WWOX: variants seen among roughly 807,000 people sequenced by gnomAD.
The protein encoded by WWOX is WW domain-containing oxidoreductase.
WWOX carries 69 observed loss-of-function variants against 46.2 expected under a neutral mutation model. The ratio of observed to expected loss-of-function variants is 1.49; its 90% confidence interval spans 1.23 to 1.82. The LOEUF is 1.82. WWOX is among the 40% of genes most tolerant of loss of function. The pLI, the probability that WWOX is intolerant of heterozygous loss-of-function variation, is 0.00. For missense variants in WWOX, 919 were observed against 542.6 expected (o/e 1.69, Z -6.89); for synonymous variants, 359 against 202.6 (o/e 1.77, Z -6.56).
At chr16:78,942,245 C>T (rs1446635597) in intron 8 of WWOX, among the ~76,000 whole-genome samples, 1 of 152,108 alleles carries the variant, frequency 6.6e-6, no homozygotes, top group South Asian at 2.1e-4. Context: ...TAGTAGGCTT[C>T]TTAAATAATT....
At chr16:78,826,214 G>C (rs2051652597) in intron 8 of WWOX, among the ~76,000 whole-genome samples, 1 of 152,150 alleles carries the variant, frequency 6.6e-6, no homozygotes, top group Non-Finnish European at 1.5e-5. Context: ...GATTAGCCTG[G>C]CGTGCCCTGT....
chr16:78,252,383 A>G (rs4888770), intron 5 of WWOX, among the ~76,000 whole-genome samples: 48,034 of 152,154 alleles, frequency 0.32, 7,964 homozygotes, highest in East Asian at 0.44. Context: ...TTGACAAGTT[A>G]GCTTGGTAAA....
chr16:78,672,946 C>G, intron 8 of WWOX, among the ~76,000 whole-genome samples: 1 of 152,336 alleles, frequency 6.6e-6, no homozygotes, highest in African/African-American at 2.4e-5. Context: ...TGACCTTGTG[C>G]AATCCATAAG....
intron 5 of WWOX, among the ~76,000 whole-genome samples, chr16:78,354,618 G>C (rs989371494): frequency 6.6e-6 from 1 of 151,986 alleles, no homozygotes; most frequent in Non-Finnish European, 1.5e-5. Context: ...TTATTCTTAA[G>C]CTTTCTGAAT....
At chr16:79,188,810 T>TC (rs1242128976) in intron 8 of WWOX, among the ~76,000 whole-genome samples, 5 of 152,232 alleles carry the variant, frequency 3.3e-5, no homozygotes, top group African/African-American at 1.2e-4. Flanking sequence ...TGTTTGCTTT[T>TC]CCTGGGGCTG....
At chr16:78,331,126 C>A (rs1006821283) in intron 5 of WWOX, among the ~76,000 whole-genome samples, 8 of 151,962 alleles carry the variant, frequency 5.3e-5, no homozygotes, top group African/African-American at 1.9e-4. Context: ...ACCTACGGTC[C>A]CTGAATATGT....
At chr16:78,644,653 G>A (rs2548874) in intron 8 of WWOX, among the ~76,000 whole-genome samples, 69,003 of 151,912 alleles carry the variant, frequency 0.45, 18,313 homozygotes, top group Middle Eastern at 0.61. Flanking sequence ...AGTAGAGATG[G>A]GGTTGCACCA....
chr16:78,904,764 T>C (rs1045745010), intron 8 of WWOX, among the ~76,000 whole-genome samples: 2 of 152,360 alleles, frequency 1.3e-5, no homozygotes, highest in African/African-American at 4.8e-5. Flanking sequence ...CTTAGTACTT[T>C]CTAAAATTCT....
At chr16:78,655,524 A>G (rs1019680220) in intron 8 of WWOX, among the ~76,000 whole-genome samples, 5 of 152,224 alleles carry the variant, frequency 3.3e-5, no homozygotes, top group African/African-American at 1.2e-4. Flanking sequence ...CAGGAAATAA[A>G]CATTAAAATA....
At chr16:78,977,015 C>G (rs1597229125) in intron 8 of WWOX, among the ~76,000 whole-genome samples, 2 of 152,162 alleles carry the variant, frequency 1.3e-5, no homozygotes, top group African/African-American at 4.8e-5. Context: ...CATCAGAGAG[C>G]TTTCCCCTGG....
At chr16:78,140,759 G>A (rs1229366448) in intron 4 of WWOX, among the ~76,000 whole-genome samples, 1 of 152,166 alleles carries the variant, frequency 6.6e-6, no homozygotes, top group African/African-American at 2.4e-5. Flanking sequence ...CAAAGGCCCT[G>A]TTTCCAAGTA....
At chr16:78,847,846 A>G (rs1597715160) in intron 8 of WWOX, among the ~76,000 whole-genome samples, 1 of 152,164 alleles carries the variant, frequency 6.6e-6, no homozygotes, top group African/African-American at 2.4e-5. Context: ...TATGACTGGC[A>G]TTGCCCAGTG....
chr16:78,909,854 G>A (rs2045063219), intron 8 of WWOX, among the ~76,000 whole-genome samples: 1 of 152,168 alleles, frequency 6.6e-6, no homozygotes, highest in South Asian at 2.1e-4. Context: ...ATACTGCTTG[G>A]CAAATGGCAC....
At chr16:78,388,455 G>T (rs2082105550) in intron 6 of WWOX, among the ~76,000 whole-genome samples, 1 of 151,598 alleles carries the variant, frequency 6.6e-6, no homozygotes. Context: ...AGACCATCCT[G>T]GCCAACATTG....
chr16:78,749,317 G>A (rs2049422994), intron 8 of WWOX, among the ~76,000 whole-genome samples: 1 of 151,830 alleles, frequency 6.6e-6, no homozygotes, highest in Non-Finnish European at 1.5e-5. Context: ...GAGGAAAGGG[G>A]AAAAAAATGG....
At chr16:78,793,008 A>G (rs1410348078) in intron 8 of WWOX, among the ~76,000 whole-genome samples, 1 of 152,208 alleles carries the variant, frequency 6.6e-6, no homozygotes, top group Non-Finnish European at 1.5e-5. Context: ...GTCCCTTAAG[A>G]TGCGGAATTT....
intron 5 of WWOX, among the ~76,000 whole-genome samples, chr16:78,254,371 C>T (rs1466498149): frequency 2.6e-5 from 4 of 151,880 alleles, no homozygotes; most frequent in African/African-American, 7.2e-5. Flanking sequence ...AGGTGTGAGC[C>T]ACCACACCCA....
At chr16:78,842,688 A>T (rs961193790) in intron 8 of WWOX, among the ~76,000 whole-genome samples, 3 of 151,894 alleles carry the variant, frequency 2.0e-5, no homozygotes, top group Non-Finnish European at 4.4e-5. Flanking sequence ...ACATAGTGTG[A>T]CCCCATTTCT....
At chr16:78,681,755 G>C (rs1035269172) in intron 8 of WWOX, among the ~76,000 whole-genome samples, 8 of 152,212 alleles carry the variant, frequency 5.3e-5, no homozygotes, top group Non-Finnish European at 1.2e-4. Context: ...CAGCACAAAG[G>C]CGTGCGCAGT....
Sources: allele counts gnomAD v4.1 joint callset (sites outside exome capture counted in the v4.1 genomes callset), GRCh38; gene constraint gnomAD v4.1.1; transcripts MANE v1.5; gene names NCBI Gene and HGNC (gene_info 2026-07-23, HGNC 2026-07-21).